Variants in RAPGEF5 observed in about 807,000 individuals in gnomAD.
RAPGEF5 encodes Rap guanine nucleotide exchange factor 5.
In RAPGEF5, 65 loss-of-function variants were observed where a neutral mutation model predicts 125.2. The observed-to-expected ratio is 0.52, with a 90% confidence interval of 0.43 to 0.64. The LOEUF (loss-of-function observed/expected upper bound fraction) is 0.64, where lower values mean the gene tolerates loss of function less well. RAPGEF5 is among the 30% of genes least tolerant of loss of function. The pLI, the probability that RAPGEF5 is intolerant of heterozygous loss-of-function variation, is 0.00. For synonymous variants in RAPGEF5, 391 were observed against 385.9 expected, an observed-to-expected ratio of 1.01 and a Z score of -0.16; for missense variants, 958 against 1,048.1, an observed-to-expected ratio of 0.91 and a Z score of 1.19.
At position 22,226,171 on chromosome 7, in the gene RAPGEF5, A is replaced by C. The variant is rs114699152; in HGVS notation, c.870+4675T>G. Among the ~76,000 whole-genome samples the C allele has an allele frequency of 4.6e-3, 703 of 152,360 alleles. 6 individuals are homozygous for C. Among genetic ancestry groups the C allele is most frequent in the African/African-American group, 0.016 (652 of 41,594 alleles). The stretch of plus-strand genomic sequence containing the variant: ...GCTTATCAAGGTCAGGGAAACCAGA[A>C]AGAAAGAGTCCACCTTTCATGAAAG... On this transcript the variant is annotated intron_variant, in intron 8 of 25. Coordinates refer to ENST00000665637, the MANE Select transcript of RAPGEF5 (RefSeq NM_012294.5).
intron 6 of RAPGEF5, among the ~76,000 whole-genome samples, chr7:22,271,663 C>T (rs1782430315): frequency 1.3e-5 from 2 of 152,216 alleles, no homozygotes; most frequent in South Asian, 2.1e-4. Context: ...AAATAGAGGA[C>T]GATTAAAGGA....
At chr7:22,321,655 A>C (rs1280366341) in intron 1 of RAPGEF5, among the ~76,000 whole-genome samples, 1 of 152,226 alleles carries the variant, frequency 6.6e-6, no homozygotes, top group African/African-American at 2.4e-5. Flanking sequence ...TGCAAGAATT[A>C]AGTTCATGAC....
At chr7:22,272,015 C>T (rs1782438859) in intron 6 of RAPGEF5, among the ~76,000 whole-genome samples, 1 of 151,882 alleles carries the variant, frequency 6.6e-6, no homozygotes, top group South Asian at 2.1e-4. Flanking sequence ...AAGAGGAGGC[C>T]CTTGAAAGCA....
chr7:22,290,377 C>G lies in RAPGEF5; in HGVS notation c.747+798G>C, dbSNP rs571553897. 3.3e-5 allele frequency among the ~76,000 whole-genome samples: 5 copies of G among 152,346 alleles called. No homozygotes were observed. The East Asian group carries it at 9.6e-4, about 29-fold the overall frequency. ...ACTGAAACTCAAGGCTTAGTGACCACAGTCAGCTTTTCCTATGAAGAAAGC... is the reference window on the plus strand; with the variant it reads ...ACTGAAACTCAAGGCTTAGTGACCAGAGTCAGCTTTTCCTATGAAGAAAGC... On this transcript the variant is annotated intron_variant, in intron 6 of 25. Transcript: ENST00000665637.
chr7:22,195,937 G>C lies in RAPGEF5; in HGVS notation c.997-1904C>G, dbSNP rs564841985. On this transcript the variant is annotated intron_variant, in intron 9 of 25. Coordinates refer to ENST00000665637, the MANE Select transcript of RAPGEF5 (RefSeq NM_012294.5). ...ACATTCTATGTGCATGTGATATATG[G>C]CATTATTAACTTCCACAGGCCATGC... is the stretch of plus-strand genomic sequence containing the variant. Among the ~76,000 whole-genome samples the C allele has an allele frequency of 1.2e-4, 19 of 152,248 alleles. 1 individual carries two copies. In the South Asian group the frequency reaches 3.7e-3, roughly 30 times the overall value.
intron 11 of RAPGEF5, among the ~76,000 whole-genome samples, chr7:22,170,131 T>C (rs1407988751): frequency 6.6e-6 from 1 of 152,216 alleles, no homozygotes; most frequent in Non-Finnish European, 1.5e-5. Flanking sequence ...CAGGCTGCAG[T>C]GCAAACTTCG....
chr7:22,189,465 G>A (rs1481287216), intron 11 of RAPGEF5, among the ~76,000 whole-genome samples: 2 of 152,114 alleles, frequency 1.3e-5, no homozygotes, highest in Non-Finnish European at 2.9e-5. Context: ...GGACTGGCTG[G>A]GCCCAAACCT....
chr7:22,134,326 T>G (rs1214054831), intron 23 of RAPGEF5, among the ~76,000 whole-genome samples: 2 of 152,356 alleles, frequency 1.3e-5, no homozygotes, highest in East Asian at 1.9e-4. Flanking sequence ...AAGTGCTTAT[T>G]TAAATTCAAG....
rs563421335 is a variant in RAPGEF5, at chr7:22,339,044, C to G, written c.231+17786G>C. ...GTGGGTGAGTGGGCTCAAGCATGCG[C>G]ACTAAGAGGCAAAACGATGGAGTTT... On this transcript the variant is annotated intron_variant, in intron 1 of 25. Coordinates refer to ENST00000665637, the MANE Select transcript of RAPGEF5 (RefSeq NM_012294.5). Among the ~76,000 whole-genome samples the G allele has an allele frequency of 7.9e-5, 12 of 152,266 alleles. No homozygotes were observed. The South Asian group carries it at 2.5e-3, about 32-fold the overall frequency.
intron 1 of RAPGEF5, among the ~76,000 whole-genome samples, chr7:22,353,527 G>C (rs1321490021): frequency 6.6e-6 from 1 of 152,160 alleles, no homozygotes. Flanking sequence ...AGTGTATGGA[G>C]GGGGAAAATA....
intron 1 of RAPGEF5, among the ~76,000 whole-genome samples, chr7:22,333,035 T>G (rs2128158042): frequency 6.6e-6 from 1 of 152,336 alleles, no homozygotes; most frequent in South Asian, 2.1e-4. Context: ...TTTAATCATC[T>G]CTTACTCTGC....
intron 14 of RAPGEF5, among the ~76,000 whole-genome samples, chr7:22,158,713 C>A (rs902957517): frequency 3.9e-5 from 6 of 152,130 alleles, no homozygotes; most frequent in Admixed American, 3.9e-4. Flanking sequence ...GCAGCCTTGA[C>A]CTCCAGGGCT....
At chr7:22,248,460 T>C (rs1786535237) in intron 7 of RAPGEF5, among the ~76,000 whole-genome samples, 1 of 152,200 alleles carries the variant, frequency 6.6e-6, no homozygotes, top group South Asian at 2.1e-4. Context: ...GGTGTGTTGC[T>C]GTAATACTTG....
chr7:22,228,674 A>ATT (rs11291130), intron 8 of RAPGEF5, among the ~76,000 whole-genome samples: 1 of 144,164 alleles, frequency 6.9e-6, no homozygotes, highest in African/African-American at 2.6e-5. Context: ...CGCCCAGCTA[A>ATT]TTTTTTTTTT....
intron 18 of RAPGEF5, among the ~76,000 whole-genome samples, chr7:22,150,017 T>A (rs981130457): frequency 2.0e-5 from 3 of 151,872 alleles, no homozygotes; most frequent in Non-Finnish European, 4.4e-5. Context: ...ATAATTTAAT[T>A]TTTTTAACAT....
chr7:22,239,276 A>G (rs1188514927), intron 7 of RAPGEF5, among the ~76,000 whole-genome samples: 1 of 152,206 alleles, frequency 6.6e-6, no homozygotes, highest in Non-Finnish European at 1.5e-5. Flanking sequence ...CTTCCCCCCA[A>G]ATCCTCCCTA....
chr7:22,264,266 A>G (rs1454561425), intron 7 of RAPGEF5, among the ~76,000 whole-genome samples: 1 of 152,216 alleles, frequency 6.6e-6, no homozygotes, highest in Non-Finnish European at 1.5e-5. Flanking sequence ...GAATATACTG[A>G]ACAACTGCTT....
intron 5 of RAPGEF5, among the ~76,000 whole-genome samples, chr7:22,301,356 C>G (rs942160650): frequency 2.6e-5 from 4 of 152,158 alleles, no homozygotes; most frequent in Non-Finnish European, 5.9e-5. Context: ...TGGCTCACGC[C>G]TGTAATCTCC....
At chr7:22,155,473 T>A (rs1189169368) in intron 16 of RAPGEF5, among the ~76,000 whole-genome samples, 2 of 152,238 alleles carry the variant, frequency 1.3e-5, no homozygotes, top group African/African-American at 2.4e-5. Flanking sequence ...GATATTCTAC[T>A]CTTTGGTGTT....
Sources: gnomAD v4.1 joint callset for allele counts (sites outside exome capture counted in the v4.1 genomes callset) on GRCh38, gnomAD v4.1.1 for gene constraint, MANE v1.5 for transcripts, NCBI Gene and HGNC (gene_info 2026-07-23, HGNC 2026-07-21) for gene names.